TENM1: variants seen among roughly 807,000 people sequenced by gnomAD.
TENM1 encodes teneurin-1.
A neutral mutation model predicts 174.8 loss-of-function variants in TENM1; 35 were observed. That is an observed-to-expected ratio of 0.20 (90% confidence interval 0.15 to 0.27). TENM1 has a LOEUF of 0.27. Ranked by LOEUF, TENM1 falls within the 10% of genes least tolerant of loss-of-function variation. TENM1 has a pLI of 1.00. For synonymous variants in TENM1, 781 were observed against 798.7 expected, an observed-to-expected ratio of 0.98 and a Z score of 0.37; for missense variants, 1,633 against 2,130.1, an observed-to-expected ratio of 0.77 and a Z score of 4.59.
chrX:124,632,952 C>T (rs1193204790), intron 11 of TENM1, among the ~76,000 whole-genome samples: 1 of 111,652 alleles, frequency 9.0e-6, no homozygotes, highest in African/African-American at 3.3e-5. Flanking sequence ...CAGCCATCTC[C>T]ACCACAGAGC....
chrX:124,506,987 T>C (rs756913662), intron 18 of TENM1, among the ~76,000 whole-genome samples: 78 of 111,802 alleles, frequency 7.0e-4, no homozygotes, highest in African/African-American at 2.4e-3. Context: ...ATAAGCACAG[T>C]GGACCACTAC....
At chrX:125,102,748 A>G in the TENM1 span, among the ~76,000 whole-genome samples, 56 of 112,620 alleles carry the variant, frequency 5.0e-4, no homozygotes, top group African/African-American at 1.6e-3. Flanking sequence ...TCTTAACGGG[A>G]ATTTAGTTAG....
At chrX:125,091,985 C>CAA in the TENM1 span, among the ~76,000 whole-genome samples, 50 of 14,147 alleles carry the variant, frequency 3.5e-3, 2 homozygotes, top group African/African-American at 5.8e-3. Flanking sequence ...AACTCTGTCT[C>CAA]AAAAAAAAAA....
chrX:124,416,532 A>T (rs2060595811), intron 25 of TENM1, among the ~76,000 whole-genome samples: 1 of 112,067 alleles, frequency 8.9e-6, no homozygotes, highest in Non-Finnish European at 1.9e-5. Context: ...CTCAGCTATT[A>T]TAAATAATGT....
At position 124,689,947 on chromosome X, in the gene TENM1, A is replaced by G. The variant is rs1344260041; in HGVS notation, c.1015+15066T>C. Among the ~76,000 whole-genome samples the G allele has an allele frequency of 2.7e-5, 3 of 111,412 alleles. No individual in the cohort carries two copies. The East Asian group carries it at 8.5e-4, about 32-fold the overall frequency. On this transcript the variant is annotated intron_variant, in intron 5 of 31. Coordinates refer to ENST00000422452, the Ensembl canonical transcript of TENM1. Reference sequence around the variant, plus strand: ...ATGTAATATTTTCAGACCATAGTTGACCATGGGTAACTGAAATTGTAGGAA... The same window carrying G: ...ATGTAATATTTTCAGACCATAGTTGGCCATGGGTAACTGAAATTGTAGGAA...
chrX:125,165,788 T>C, the TENM1 span, among the ~76,000 whole-genome samples: 6,979 of 111,399 alleles, frequency 0.063, 566 homozygotes, highest in African/African-American at 0.22. Flanking sequence ...ACTAATAAAT[T>C]AGTCACATTT....
At chrX:124,406,255 G>T (rs2060460730) in intron 26 of TENM1, 62 bp downstream of exon 29, 1 of 941,728 alleles carries the variant, frequency 1.1e-6, no homozygotes, top group Admixed American at 2.4e-5. Context: ...GTGTACGCAG[G>T]TTTCAAGGTG....
At chrX:124,572,520 G>A (rs1020490195) in intron 11 of TENM1, among the ~76,000 whole-genome samples, 1 of 110,814 alleles carries the variant, frequency 9.0e-6, no homozygotes, top group African/African-American at 3.3e-5. Flanking sequence ...TCCTTTTAAT[G>A]TCAGAAGAAG....
chrX:124,426,496 T>A (rs1016051151), intron 23 of TENM1, among the ~76,000 whole-genome samples: 1 of 111,865 alleles, frequency 8.9e-6, no homozygotes, highest in African/African-American at 3.3e-5. Flanking sequence ...CAATTTGAGA[T>A]AAGGCCTTTC....
chrX:124,553,395 G>A (rs1290179379), intron 14 of TENM1, among the ~76,000 whole-genome samples: 1 of 108,381 alleles, frequency 9.2e-6, no homozygotes, highest in Non-Finnish European at 1.9e-5. Context: ...AGCTACTCGG[G>A]AGACTGAGGC....
chrX:124,780,706 C>G (rs948123792), intron 3 of TENM1, among the ~76,000 whole-genome samples: 1 of 111,304 alleles, frequency 9.0e-6, no homozygotes, highest in African/African-American at 3.3e-5. Flanking sequence ...GCCAGGACTA[C>G]AAGAAGGCAT....
At chrX:125,127,337 A>G in the TENM1 span, among the ~76,000 whole-genome samples, 1 of 111,686 alleles carries the variant, frequency 9.0e-6, no homozygotes. Context: ...TTTGCTAGAA[A>G]GATCATTTCT....
chrX:125,155,949 A>G, the TENM1 span, among the ~76,000 whole-genome samples: 1 of 112,877 alleles, frequency 8.9e-6, no homozygotes, highest in African/African-American at 3.2e-5. Flanking sequence ...GGTGCCGCCA[A>G]AGTGGGAGCC....
At chrX:124,967,350 C>T (rs1168611037), upstream of TENM1, among the ~76,000 whole-genome samples, 1 of 111,340 alleles carries the variant, frequency 9.0e-6, no homozygotes, top group Admixed American at 9.5e-5. Context: ...ATTAGACTTT[C>T]ACCCAGAAAA....
intron 11 of TENM1, among the ~76,000 whole-genome samples, chrX:124,591,337 T>C (rs1256394092): frequency 1.8e-5 from 2 of 112,043 alleles, no homozygotes; most frequent in Non-Finnish European, 3.8e-5. Flanking sequence ...GTGGGCTATG[T>C]ACTGGAGGGT....
chrX:124,381,619 C>T (rs773833572), intron 31 of TENM1, among the ~76,000 whole-genome samples: 112 of 111,609 alleles, frequency 1.0e-3, no homozygotes, highest in African/African-American at 3.5e-3. Flanking sequence ...TCACTGATTT[C>T]ACTCACACTG....
intron 3 of TENM1, among the ~76,000 whole-genome samples, chrX:124,889,218 G>A (rs927852885): frequency 9.9e-5 from 11 of 110,882 alleles, no homozygotes; most frequent in Non-Finnish European, 1.7e-4. Flanking sequence ...AATCAATTGG[G>A]TAGGCTTCCA....
chrX:124,398,438 G>A lies in TENM1; in HGVS notation c.5392-6090C>T, dbSNP rs1359364866. Among the ~76,000 whole-genome samples, 3 of 109,912 alleles carry A rather than the reference G, an allele frequency of 2.7e-5. No homozygotes were observed. The East Asian group carries it at 8.5e-4, about 31-fold the overall frequency. On this transcript the variant is annotated intron_variant, in intron 27 of 31. Coordinates refer to ENST00000422452, the Ensembl canonical transcript of TENM1. Reference sequence around the variant, plus strand: ...ATGCCTACCAATGAACAGGGCATATGTTCAGTACTAGCATCAGCCTCTAAT... The same window carrying A: ...ATGCCTACCAATGAACAGGGCATATATTCAGTACTAGCATCAGCCTCTAAT...
intron 1 of TENM1, among the ~76,000 whole-genome samples, chrX:124,961,623 A>T (rs2058655635): frequency 9.0e-6 from 1 of 111,314 alleles, no homozygotes; most frequent in South Asian, 3.8e-4. Flanking sequence ...CAGCCTGGGC[A>T]ACAGAGTAAG....
Sources: allele counts gnomAD v4.1 joint callset (sites outside exome capture counted in the v4.1 genomes callset), GRCh38; gene constraint gnomAD v4.1.1; transcripts MANE v1.5; gene names NCBI Gene and HGNC (gene_info 2026-07-23, HGNC 2026-07-21).